RASGRF1: variants seen among roughly 807,000 people sequenced by gnomAD.
RASGRF1 encodes ras-specific guanine nucleotide-releasing factor 1.
Under a neutral mutation model 138.7 loss-of-function variants are expected in RASGRF1, and 40 were observed. The observed-to-expected ratio is 0.29, with a 90% CI of 0.22 to 0.38. RASGRF1 has a LOEUF of 0.38. Among genes scored for constraint, RASGRF1 ranks in the 10% least tolerant of loss-of-function variants. RASGRF1 has a pLI of 1.00. For synonymous variants in RASGRF1, 614 were observed against 663.2 expected (o/e 0.93, Z 1.14); for missense variants, 1,108 against 1,650.4 (o/e 0.67, Z 5.69).
intron 12 of RASGRF1, among the ~76,000 whole-genome samples, chr15:79,015,669 G>A (rs2056868644): frequency 6.6e-6 from 1 of 152,216 alleles, no homozygotes; most frequent in Non-Finnish European, 1.5e-5. Context: ...TGGGGATAAT[G>A]ACTTCTACCT....
chr15:78,972,556 C>T (rs1005608265), intron 25 of RASGRF1, among the ~76,000 whole-genome samples: 1 of 152,074 alleles, frequency 6.6e-6, no homozygotes, highest in African/African-American at 2.4e-5. Context: ...CCCACGACTC[C>T]AGCAAAAGTT....
At position 78,961,998 on chromosome 15, in the gene RASGRF1, G is replaced by T. The variant is rs2055553190; in HGVS notation, c.*146C>A. ...AAACGGTGCAGAAATTCATATTCCG[G>T]TTCTACAGGAATCTAAGAACAAGGA... is the stretch of plus-strand genomic sequence containing the variant. On this transcript the variant is annotated 3_prime_UTR_variant, in exon 27 of 27. Coordinates refer to ENST00000558480, the MANE Select transcript of RASGRF1 (RefSeq NM_001145648.3). 1 of 619,146 alleles carries T rather than the reference G, an allele frequency of 1.6e-6. No homozygotes were observed. Among genetic ancestry groups the T allele is most frequent in the Non-Finnish European group, 2.9e-6 (1 of 350,302 alleles). 38.4% of individuals were successfully genotyped at this position (619,146 alleles called of 1,614,324 possible).
At chr15:78,980,574 G>T in intron 24 of RASGRF1, 46 bp downstream of exon 24, 1 of 1,491,940 alleles carries the variant, frequency 6.7e-7, no homozygotes, top group Non-Finnish European at 9.3e-7. Flanking sequence ...CTGCAATGCA[G>T]GTCTATGATT....
At chr15:78,970,506 C>CTTTTAGGAT (rs1298272842) in intron 26 of RASGRF1, among the ~76,000 whole-genome samples, 1 of 151,220 alleles carries the variant, frequency 6.6e-6, no homozygotes, top group East Asian at 2.0e-4. Flanking sequence ...GTCCCTGATC[C>CTTTTAGGAT]CAGCTATGCG....
chr15:78,986,973 TA>T (rs2056172069), intron 22 of RASGRF1, among the ~76,000 whole-genome samples: 1 of 152,196 alleles, frequency 6.6e-6, no homozygotes, highest in Non-Finnish European at 1.5e-5. Context: ...ATATAAAAGT[TA>T]TACTAATTTT....
chr15:79,030,120 A>T (rs1000010048), intron 8 of RASGRF1, among the ~76,000 whole-genome samples: 1 of 152,148 alleles, frequency 6.6e-6, no homozygotes. Flanking sequence ...CAGGTGTGCA[A>T]CTTGGCTGGG....
chr15:79,071,109 T>C (rs2057749232), intron 1 of RASGRF1, among the ~76,000 whole-genome samples: 1 of 152,214 alleles, frequency 6.6e-6, no homozygotes, highest in South Asian at 2.1e-4. Flanking sequence ...GCAAGGGAGA[T>C]GAATGTTGGC....
intron 3 of RASGRF1, among the ~76,000 whole-genome samples, chr15:79,053,938 T>C (rs898104168): frequency 4.6e-5 from 7 of 152,250 alleles, no homozygotes; most frequent in African/African-American, 1.7e-4. Context: ...GACAATGATA[T>C]GATGGTACAT....
At chr15:79,001,537 G>A (rs1317600215) in intron 16 of RASGRF1, 125 bp downstream of exon 16, 1 of 1,221,440 alleles carries the variant, frequency 8.2e-7, no homozygotes, top group South Asian at 2.1e-5. Flanking sequence ...TATCAGAAAA[G>A]TTACTGCTCT....
At position 79,025,059 on chromosome 15, in the gene RASGRF1, A is replaced by G. The variant is rs145421828; in HGVS notation, c.1542+255T>C. On this transcript the variant is annotated intron_variant, in intron 10 of 26. Coordinates refer to ENST00000558480, the MANE Select transcript of RASGRF1 (RefSeq NM_001145648.3). ...TCCAGGCCCTCTGGCTCCTCTGCCC[A>G]GGTGCCCAGTGTGGGGAATCTGAAG... 1.0e-3 allele frequency among the ~76,000 whole-genome samples: 151 copies of G among 151,312 alleles called. 1 individual carries two copies. The highest frequency in any genetic ancestry group is 3.4e-3 in the Middle Eastern group (1 of 292).
At chr15:78,996,112 C>G (rs1452042912) in intron 19 of RASGRF1, among the ~76,000 whole-genome samples, 3 of 152,216 alleles carry the variant, frequency 2.0e-5, no homozygotes, top group Admixed American at 2.0e-4. Flanking sequence ...AGCCCCATAG[C>G]TCTGGTGCCA....
chr15:79,012,567 G>A (rs754642035), intron 13 of RASGRF1: 1 of 1,613,056 alleles, frequency 6.2e-7, no homozygotes, highest in Non-Finnish European at 8.5e-7. Flanking sequence ...AAGCAGATGG[G>A]TCCTTGAAGT....
At chr15:79,035,045 C>T (rs2057198611) in intron 6 of RASGRF1, 86 bp downstream of exon 6, 1 of 1,191,768 alleles carries the variant, frequency 8.4e-7, no homozygotes, top group Non-Finnish European at 1.2e-6. Context: ...CTATTATGCT[C>T]TAGAAGGACA....
intron 1 of RASGRF1, among the ~76,000 whole-genome samples, chr15:79,068,987 C>G (rs570288823): frequency 6.6e-6 from 1 of 152,238 alleles, no homozygotes; most frequent in East Asian, 1.9e-4. Context: ...ACAGGCCTGG[C>G]CGGGCTTAGG....
chr15:78,973,495 A>T lies in RASGRF1; in HGVS notation c.3495-75T>A. 2 of 1,131,206 alleles carry T rather than the reference A, an allele frequency of 1.8e-6. No individual in the cohort carries two copies. Among genetic ancestry groups the T allele is most frequent in the Non-Finnish European group, 2.6e-6 (2 of 763,914 alleles). The allele number at this position is 1,131,206 out of a possible 1,614,324, so 70.1% of individuals were successfully genotyped here. On this transcript the variant is annotated intron_variant, in intron 24 of 26. Transcript: ENST00000558480. The surrounding 1 kb of genome is among the most constrained non-coding windows in gnomAD (Gnocchi z 4.9). The stretch of plus-strand genomic sequence containing the variant: ...GTCTACCAAGAACAGAACATCCCGC[A>T]TGCACCTTTTGCTTTGCTAGAGGCA...
At chr15:79,083,145 C>T (rs1364077774) in intron 1 of RASGRF1, among the ~76,000 whole-genome samples, 1 of 152,164 alleles carries the variant, frequency 6.6e-6, no homozygotes, top group Non-Finnish European at 1.5e-5. Context: ...TGCTGCCTCA[C>T]TATCAGGGAC....
chr15:79,088,554 T>C (rs1054809910), intron 1 of RASGRF1, among the ~76,000 whole-genome samples: 1 of 152,162 alleles, frequency 6.6e-6, no homozygotes, highest in African/African-American at 2.4e-5. Flanking sequence ...ACAGATAATA[T>C]GAGCCCATGC....
chr15:78,970,621 CAAAAAAAAAAAAAAAAAA>C (rs55689628), intron 26 of RASGRF1, among the ~76,000 whole-genome samples: 1 of 57,904 alleles, frequency 1.7e-5, no homozygotes, highest in Non-Finnish European at 3.5e-5. Flanking sequence ...GACTCTGTCT[CAAAAAAAAAAAAAAAAAA>C]AAAAAAGAAA....
chr15:79,005,622 C>A, intron 14 of RASGRF1: 3 of 988,240 alleles, frequency 3.0e-6, no homozygotes, highest in Non-Finnish European at 3.6e-6. Context: ...AGGTGGCCTG[C>A]ACTCCTTATG....
Sources: allele counts gnomAD v4.1 joint callset (sites outside exome capture counted in the v4.1 genomes callset), GRCh38; gene constraint gnomAD v4.1.1; non-coding constraint Gnocchi (gnomAD v3.1); transcripts MANE v1.5; gene names NCBI Gene and HGNC (gene_info 2026-07-23, HGNC 2026-07-21).